Variants in SLC38A10 observed in about 807,000 individuals in gnomAD.
The protein encoded by SLC38A10 is Sodium-coupled neutral amino acid transporter 10.
In SLC38A10, 53 loss-of-function variants were observed where a neutral mutation model predicts 81.0. The observed-to-expected ratio is 0.65, with a 90% CI of 0.53 to 0.82. The LOEUF (loss-of-function observed/expected upper bound fraction) is 0.82, where lower values mean the gene tolerates loss of function less well. Ranked by LOEUF, SLC38A10 falls within the 40% of genes least tolerant of loss-of-function variation. The probability of loss-of-function intolerance (pLI) is 0.00; values close to 1 mark genes in which losing one functional copy is unlikely to be tolerated. For synonymous variants in SLC38A10, 665 were observed against 655.3 expected, an observed-to-expected ratio of 1.01 and a Z score of -0.23; for missense variants, 1,471 against 1,545.0, an observed-to-expected ratio of 0.95 and a Z score of 0.80.
At chr17:81,284,727 G>C in intron 3 of SLC38A10, 123 bp downstream of exon 3, 2 of 719,242 alleles carry the variant, frequency 2.8e-6, no homozygotes, top group South Asian at 2.4e-5. Context: ...CATGTATTTA[G>C]CGACTCTTCA....
At position 81,277,787 on chromosome 17, in the gene SLC38A10, G is replaced by A. The variant is rs1175819664; in HGVS notation, c.627-654C>T. On this transcript the variant is annotated intron_variant, in intron 6 of 15. Transcript: ENST00000374759. This position sits in a 1 kb window ranked among gnomAD's most constrained non-coding sequence, Gnocchi z 4.5. ...CCGAGGGACCTGCACAGGGACCTGGGCCTCTGGAAAGGGGTGGGCGAGACG... is the reference window on the plus strand; with the variant it reads ...CCGAGGGACCTGCACAGGGACCTGGACCTCTGGAAAGGGGTGGGCGAGACG... Among the ~76,000 whole-genome samples, 1 of 152,244 alleles carries A rather than the reference G, an allele frequency of 6.6e-6. No individual in the cohort carries two copies. The highest frequency in any genetic ancestry group is 1.9e-4 in the East Asian group (1 of 5,194).
intron 14 of SLC38A10, among the ~76,000 whole-genome samples, chr17:81,248,427 C>T (rs2062874343): frequency 6.6e-6 from 1 of 152,240 alleles, no homozygotes; most frequent in Non-Finnish European, 1.5e-5. Context: ...CAGCAAGGGC[C>T]AGAGGACAGG....
At chr17:81,273,056 C>A (rs968935380) in intron 8 of SLC38A10, among the ~76,000 whole-genome samples, 2 of 152,120 alleles carry the variant, frequency 1.3e-5, no homozygotes, top group African/African-American at 2.4e-5. Context: ...CAGGCAGAAC[C>A]CCCCCAAACA....
rs762271762 is a variant in SLC38A10 at position 81,252,300 on chromosome 17, G to C, written c.1840C>G (p.Gln614Glu). The C allele has an allele frequency of 6.2e-7, 1 of 1,611,530 alleles. No individual in the cohort carries two copies. The highest frequency in any genetic ancestry group is 1.1e-5 in the South Asian group (1 of 91,020). ...HPRPQAVLSE[Q>E]QNGLAVGGGE... ...CCACCCACCGCCAGGCCGTTCTGCT[G>C]CTCAGACAGCACTGCCTGGGGCCGA... The change falls in exon 13 of 16, where the codon CAG becomes GAG. Residue 614 changes from glutamine to glutamate, a missense_variant. Around this residue, in one of 2 missense-constraint regions of SLC38A10, gnomAD observed 751 missense variants for 717.4 expected, o/e 1.05. Coordinates refer to ENST00000374759, the MANE Select transcript of SLC38A10 (RefSeq NM_001037984.3).
At chr17:81,255,761 C>T (rs1027771439) in intron 11 of SLC38A10, among the ~76,000 whole-genome samples, 8 of 152,234 alleles carry the variant, frequency 5.3e-5, no homozygotes, top group South Asian at 2.1e-4. Flanking sequence ...TTTGAGAGGC[C>T]GAGGCAGGAG....
In SLC38A10 at chr17:81,288,137, T is replaced by C. The variant is rs1397293748; in HGVS notation, c.217+1554A>G. On this transcript the variant is annotated intron_variant, in intron 2 of 15. Transcript: ENST00000374759. This position sits in a 1 kb window ranked among gnomAD's most constrained non-coding sequence, Gnocchi z 5.4. Reference sequence around the variant, plus strand: ...AGAAGGAATACATCCCCTCCGGTTCTGAGGGCCGAAACGAACGCAGGACTC... The same window carrying C: ...AGAAGGAATACATCCCCTCCGGTTCCGAGGGCCGAAACGAACGCAGGACTC... Among the ~76,000 whole-genome samples, 9 of 152,232 alleles carry C rather than the reference T, an allele frequency of 5.9e-5. No individual in the cohort carries two copies.
At position 81,288,784 on chromosome 17, in the gene SLC38A10, C is replaced by T. The variant is rs1159459142; in HGVS notation, c.217+907G>A. The T allele has an allele frequency of 1.3e-5, 2 of 152,348 alleles. No homozygotes were observed. The highest frequency in any genetic ancestry group is 2.9e-5 in the Non-Finnish European group (2 of 68,154). 9.4% of individuals were successfully genotyped at this position (152,348 alleles called of 1,614,324 possible). A position where few individuals can be genotyped will look rare whatever the true frequency, so the allele number is the denominator to read the frequency against. Reference sequence around the variant, plus strand: ...GCAACAGCCCAGGCCTGAGGAGCTTCCTCCATGGAATTCCGAGTTGGGGAG... The same window carrying T: ...GCAACAGCCCAGGCCTGAGGAGCTTTCTCCATGGAATTCCGAGTTGGGGAG... On this transcript the variant is annotated intron_variant, in intron 2 of 15. Transcript: ENST00000374759. The surrounding 1 kb of genome is among the most constrained non-coding windows in gnomAD (Gnocchi z 5.4).
rs2063105157 is a variant in SLC38A10, at chr17:81,270,477, G to C, written c.1131+441C>G. Among the ~76,000 whole-genome samples, 1 of 152,160 alleles carries C rather than the reference G, an allele frequency of 6.6e-6. No individual in the cohort carries two copies. The highest frequency in any genetic ancestry group is 2.4e-5 in the African/African-American group (1 of 41,432). ...GACCTGCACAGGGTTTTGAGCAAAA[G>C]CAGCAGGAAGCTGTGTTACAGTTAA... is the stretch of plus-strand genomic sequence containing the variant. On this transcript the variant is annotated intron_variant, in intron 10 of 15. Transcript: ENST00000374759. The surrounding 1 kb of genome is among the most constrained non-coding windows in gnomAD (Gnocchi z 4.0).
rs201188923 is a variant in SLC38A10, at chr17:81,246,073, G to A, written c.2843C>T (p.Ala948Val). ...AADLPGGAEG[A>V]AAQPQAVLRQ... ...TAACACAGCCTGGGGCTGTGCAGCTGCTCCTTCCGCCCCACCGGGCAGGTC... is the reference window on the plus strand; with the variant it reads ...TAACACAGCCTGGGGCTGTGCAGCTACTCCTTCCGCCCCACCGGGCAGGTC... The change falls in exon 16 of 16, where the codon GCA (alanine) becomes GTA (valine). Residue 948 changes from alanine to valine, a missense_variant. Coordinates refer to ENST00000374759, the MANE Select transcript of SLC38A10 (RefSeq NM_001037984.3). 2,211 of 1,608,740 alleles carry A rather than the reference G, an allele frequency of 1.4e-3. 2 individuals are homozygous for A. The highest frequency in any genetic ancestry group is 1.8e-3 in the Non-Finnish European group (2,131 of 1,179,666).
Position 81,246,353 on chromosome 17 carries a change from G to A in SLC38A10, c.2563C>T (p.Pro855Ser), listed in dbSNP as rs2062851122. The part of the protein sequence containing the change: ...AGTVKELPKG[P>S]EQVPVPDPAR... ...GGGTCTGGCACGGGCACCTGCTCCG[G>A]GCCCTTGGGGAGCTCCTTCACAGTG... Residue 855 changes from proline (P) to serine (S), a missense_variant, in exon 16 of 16, where the codon CCG becomes TCG. By Grantham distance (74) the Pro-to-Ser change is moderately conservative. Around this residue, in one of 2 missense-constraint regions of SLC38A10, gnomAD observed 751 missense variants for 717.4 expected, o/e 1.05. Transcript: ENST00000374759. 3 of 1,604,462 alleles carry A rather than the reference G, an allele frequency of 1.9e-6. No individual in the cohort carries two copies. The highest frequency in any genetic ancestry group is 1.1e-5 in the South Asian group (1 of 90,814).
chr17:81,266,393 G>C (rs1468171896), intron 10 of SLC38A10, among the ~76,000 whole-genome samples: 1 of 152,196 alleles, frequency 6.6e-6, no homozygotes, highest in Non-Finnish European at 1.5e-5. Flanking sequence ...GCCGAGGCGG[G>C]CGGATCATGA....
Position 81,252,389 on chromosome 17 carries a change from T to A in SLC38A10, c.1751A>T (p.Asp584Val). The A allele has an allele frequency of 2.5e-6, 4 of 1,613,170 alleles. No homozygotes were observed. The highest frequency in any genetic ancestry group is 3.4e-6 in the Non-Finnish European group (4 of 1,180,008). ...TGCAGGCTGGACAGCTGGCTGACCATCTGCTTCTGGAACTTTCTGGGGATC... is the reference window on the plus strand; with the variant it reads ...TGCAGGCTGGACAGCTGGCTGACCAACTGCTTCTGGAACTTTCTGGGGATC... Reference protein sequence around the residue: ...PEDPQKVPEADGQPAVQPAKE... With the variant: ...PEDPQKVPEAVGQPAVQPAKE... Residue 584 changes from aspartate to valine, a missense_variant, in exon 13 of 16, where the codon GAT becomes GTT. Coordinates refer to ENST00000374759, the MANE Select transcript of SLC38A10 (RefSeq NM_001037984.3).
intron 10 of SLC38A10, 117 bp from the exon 11 acceptor site, chr17:81,260,511 C>T: frequency 2.3e-6 from 3 of 1,332,712 alleles, no homozygotes; most frequent in South Asian, 3.0e-5. Context: ...GGAGAGTGGA[C>T]ATGACAAAGT....
At position 81,270,615 on chromosome 17, in the gene SLC38A10, C is replaced by T. The variant is rs1220692212; in HGVS notation, c.1131+303G>A. On this transcript the variant is annotated intron_variant, in intron 10 of 15. Transcript: ENST00000374759. The surrounding 1 kb of genome is among the most constrained non-coding windows in gnomAD (Gnocchi z 4.0). ...AGGGGACTCAGAGGTGGCAGCAGGT[C>T]CATGGGCAATCAGGCATCGCAGAAA... Among the ~76,000 whole-genome samples, 1 of 152,116 alleles carries T rather than the reference C, an allele frequency of 6.6e-6. No homozygotes were observed. The highest frequency in any genetic ancestry group is 1.5e-5 in the Non-Finnish European group (1 of 68,022).
At position 81,245,473 on chromosome 17, in the gene SLC38A10, AG is replaced by A; in HGVS notation, c.*82del. On this transcript the variant is annotated 3_prime_UTR_variant, in exon 16 of 16. Transcript: ENST00000374759. ...GGGGAGAGGCGAGTGTGACCTCCAGAGTTTGGCTGGGATGCGGCTGAGACAG... is the reference window on the plus strand; with the variant it reads ...GGGGAGAGGCGAGTGTGACCTCCAGATTTGGCTGGGATGCGGCTGAGACAG... The A allele has an allele frequency of 6.7e-7, 1 of 1,484,576 alleles. No homozygotes were observed. The highest frequency in any genetic ancestry group is 9.0e-7 in the Non-Finnish European group (1 of 1,114,538). 92.0% of individuals were successfully genotyped at this position (1,484,576 alleles called of 1,614,324 possible).
At chr17:81,292,203 C>T (rs2063317041) in intron 1 of SLC38A10, among the ~76,000 whole-genome samples, 1 of 152,126 alleles carries the variant, frequency 6.6e-6, no homozygotes, top group Non-Finnish European at 1.5e-5. Context: ...TCTTGGCTCA[C>T]TGCAAGCTCC....
intron 4 of SLC38A10, among the ~76,000 whole-genome samples, 191 bp from the exon 5 acceptor site, chr17:81,282,523 G>A (rs1046497504): frequency 1.4e-4 from 22 of 152,158 alleles, no homozygotes; most frequent in Middle Eastern, 3.2e-3. Context: ...GTGCAGCCTC[G>A]GACACTGGGT....
chr17:81,280,805 G>A (rs1048376863), intron 5 of SLC38A10, 72 bp from the exon 6 acceptor site: 51 of 1,532,366 alleles, frequency 3.3e-5, no homozygotes, highest in South Asian at 2.4e-4. Context: ...CGGCCCACGC[G>A]CCGCTAGGAA....
chr17:81,274,871 C>T (rs77422616), intron 8 of SLC38A10, among the ~76,000 whole-genome samples: 6,963 of 152,282 alleles, frequency 0.046, 220 homozygotes, highest in Admixed American at 0.091. Flanking sequence ...GCCTGGCCTA[C>T]ATGTGTTACA....
Sources: gnomAD v4.1 joint callset for allele counts (sites outside exome capture counted in the v4.1 genomes callset) on GRCh38, gnomAD v4.1.1 for gene constraint, gnomAD v4.1.1 regional missense constraint, Gnocchi (gnomAD v3.1) non-coding constraint, MANE v1.5 for transcripts, NCBI Gene and HGNC (gene_info 2026-07-23, HGNC 2026-07-21) for gene names.